Variants in ALK observed in about 807,000 individuals in gnomAD.
The protein encoded by ALK is ALK tyrosine kinase receptor.
In ALK, 74 loss-of-function variants were observed where a neutral mutation model predicts 163.1. The observed-to-expected ratio is 0.45, with a 90% CI of 0.38 to 0.55. The LOEUF is 0.55. Ranked by LOEUF, ALK falls within the 20% of genes least tolerant of loss-of-function variation. The pLI, the probability that ALK is intolerant of heterozygous loss-of-function variation, is 0.00. For synonymous variants in ALK, 960 were observed against 843.2 expected (o/e 1.14, Z -2.40); for missense variants, 2,063 against 2,105.3 (o/e 0.98, Z 0.39).
At chr2:29,912,722 C>G (rs893193564) in intron 1 of ALK, among the ~76,000 whole-genome samples, 19 of 151,962 alleles carry the variant, frequency 1.3e-4, no homozygotes, top group African/African-American at 4.6e-4. Flanking sequence ...TATAAATATA[C>G]AGGCTTAGCA....
intron 5 of ALK, among the ~76,000 whole-genome samples, chr2:29,359,274 T>A (rs1668332771): frequency 6.6e-6 from 1 of 152,228 alleles, no homozygotes; most frequent in Admixed American, 6.5e-5. Flanking sequence ...CCAATGCCCC[T>A]CCCTTGAAGA....
chr2:29,628,891 C>T lies in ALK; in HGVS notation c.952+65959G>A, dbSNP rs539886360. Among the ~76,000 whole-genome samples, 10 of 152,298 alleles carry T rather than the reference C, an allele frequency of 6.6e-5. No individual in the cohort carries two copies. In the South Asian group the frequency reaches 1.7e-3, roughly 25 times the overall value. ...TAGCATGTTCAAGACTCAGTGCTCT[C>T]GCCACAGAAAATGGAGCACACTCAA... is the stretch of plus-strand genomic sequence containing the variant. On this transcript the variant is annotated intron_variant, in intron 3 of 28. Coordinates refer to ENST00000389048, the MANE Select transcript of ALK (RefSeq NM_004304.5).
intron 5 of ALK, among the ~76,000 whole-genome samples, chr2:29,350,034 T>G (rs1404286413): frequency 6.6e-6 from 1 of 152,204 alleles, no homozygotes; most frequent in African/African-American, 2.4e-5. Flanking sequence ...AAGAACCATC[T>G]CTAGCAAGCA....
At chr2:29,360,880 G>A (rs1668370205) in intron 5 of ALK, among the ~76,000 whole-genome samples, 1 of 152,212 alleles carries the variant, frequency 6.6e-6, no homozygotes, top group Admixed American at 6.5e-5. Flanking sequence ...GTTCTCCTAA[G>A]AATGGGGTAT....
rs200832204 is a variant in ALK, at chr2:29,223,325, G to T, written c.3359+17C>A. The T allele has an allele frequency of 1.2e-6, 2 of 1,613,830 alleles. No individual in the cohort carries two copies. The highest frequency in any genetic ancestry group is 1.1e-5 in the South Asian group (1 of 91,048). On this transcript the variant is annotated intron_variant, in intron 20 of 28. Coordinates refer to ENST00000389048, the MANE Select transcript of ALK (RefSeq NM_004304.5). ...CACTGCACCCCTCTCCTCCCAGGACGGCAGCAGGGCGCTCACCGAATGAGG... is the reference window on the plus strand; with the variant it reads ...CACTGCACCCCTCTCCTCCCAGGACTGCAGCAGGGCGCTCACCGAATGAGG...
intron 8 of ALK, among the ~76,000 whole-genome samples, chr2:29,298,923 G>C (rs577351173): frequency 1.3e-3 from 191 of 151,944 alleles, no homozygotes; most frequent in African/African-American, 4.4e-3. Context: ...CAATCTTTTG[G>C]CTCCTTTGTC....
At chr2:29,761,771 C>T (rs1312215821) in intron 1 of ALK, among the ~76,000 whole-genome samples, 1 of 152,184 alleles carries the variant, frequency 6.6e-6, no homozygotes, top group Non-Finnish European at 1.5e-5. Context: ...AGAGTCACCT[C>T]CTAGACAAAA....
intron 4 of ALK, among the ~76,000 whole-genome samples, chr2:29,523,134 G>A (rs1672858906): frequency 6.6e-6 from 1 of 152,120 alleles, no homozygotes; most frequent in South Asian, 2.1e-4. Context: ...GGAGGGGGAG[G>A]AAGAAACCAA....
At chr2:29,465,947 G>T (rs920031353) in intron 4 of ALK, among the ~76,000 whole-genome samples, 2 of 152,074 alleles carry the variant, frequency 1.3e-5, no homozygotes. Context: ...TAGCACAAAG[G>T]CTGGGGGTAG....
intron 3 of ALK, among the ~76,000 whole-genome samples, chr2:29,673,221 C>T (rs1183517290): frequency 1.1e-4 from 15 of 135,922 alleles, no homozygotes; most frequent in African/African-American, 4.6e-4. Flanking sequence ...GTTGCCATTG[C>T]TTTTGGTGTT....
chr2:29,620,421 C>G (rs562269067), intron 3 of ALK, among the ~76,000 whole-genome samples: 12 of 147,990 alleles, frequency 8.1e-5, no homozygotes, highest in African/African-American at 2.2e-4. Context: ...TGGCAACAAC[C>G]CTATTTTCAA....
chr2:29,636,589 T>C (rs1676538988), intron 3 of ALK, among the ~76,000 whole-genome samples: 1 of 152,106 alleles, frequency 6.6e-6, no homozygotes. Context: ...AAGAAAAATT[T>C]GGTAAATTAG....
rs575329639 is a variant in ALK at position 29,320,686 on chromosome 2, G to A, written c.1546+65C>T. The A allele has an allele frequency of 5.3e-4, 846 of 1,608,232 alleles. 1 individual carries two copies. The highest frequency in any genetic ancestry group is 6.9e-4 in the Non-Finnish European group (808 of 1,176,640). On this transcript the variant is annotated intron_variant, in intron 7 of 28. Transcript: ENST00000389048. ...CAGGTGGGGTGAAGTCCAGCCCTGAGTCTCCCATCTGTCTATGTGGGCATG... is the reference window on the plus strand; with the variant it reads ...CAGGTGGGGTGAAGTCCAGCCCTGAATCTCCCATCTGTCTATGTGGGCATG...
At position 29,222,569 on chromosome 2, in the gene ALK, C is replaced by A. The variant is rs773881309; in HGVS notation, c.3398G>T (p.Gly1133Val). 1.9e-6 allele frequency: 3 copies of A among 1,614,068 alleles called. No individual in the cohort carries two copies. Among genetic ancestry groups the A allele is most frequent in the Non-Finnish European group, 2.5e-6 (3 of 1,180,024 alleles). ...GHGAFGEVYE[G>V]QVSGMPNDPS... ...GTCGTTGGGCATTCCGGACACCTGG[C>A]CTTCATACACCTCCCCAAAGGCGCC... Residue 1133 changes from glycine to valine, a missense_variant, in exon 21 of 29, where the codon GGC becomes GTC. This residue lies in a region of ALK where 575 missense variants were observed against 626.6 expected (regional missense o/e 0.92). Coordinates refer to ENST00000389048, the MANE Select transcript of ALK (RefSeq NM_004304.5).
intron 3 of ALK, among the ~76,000 whole-genome samples, chr2:29,575,746 A>G (rs1674506756): frequency 6.6e-6 from 1 of 152,194 alleles, no homozygotes; most frequent in South Asian, 2.1e-4. Flanking sequence ...CAGATAAGTG[A>G]GTTCCCAGTC....
At chr2:29,812,837 G>C (rs182072263) in intron 1 of ALK, among the ~76,000 whole-genome samples, 12 of 152,324 alleles carry the variant, frequency 7.9e-5, no homozygotes, top group East Asian at 7.7e-4. Flanking sequence ...TGTTAGGACT[G>C]AGCTGGACAC....
chr2:29,880,659 T>A lies in ALK; in HGVS notation c.667+39334A>T, dbSNP rs193299674. Among the ~76,000 whole-genome samples the A allele has an allele frequency of 2.0e-4, 30 of 152,190 alleles. 1 individual carries two copies. In the East Asian group the frequency reaches 5.6e-3, roughly 28 times the overall value. On this transcript the variant is annotated intron_variant, in intron 1 of 28. Coordinates refer to ENST00000389048, the MANE Select transcript of ALK (RefSeq NM_004304.5). ...CACACGCCTCGGAGGAAAGGGGAGA[T>A]CTGGGTTTTAATTCTCACAATATCT...
At chr2:29,478,597 C>T (rs1328007001) in intron 4 of ALK, among the ~76,000 whole-genome samples, 2 of 152,256 alleles carry the variant, frequency 1.3e-5, no homozygotes, top group African/African-American at 4.8e-5. Context: ...AAGGCTCCTA[C>T]AGACTGACGA....
At chr2:29,346,175 A>G (rs1667943538) in intron 5 of ALK, among the ~76,000 whole-genome samples, 1 of 152,162 alleles carries the variant, frequency 6.6e-6, no homozygotes, top group Non-Finnish European at 1.5e-5. Flanking sequence ...CTATTCCAAT[A>G]CATGACCTGT....
Sources: gnomAD v4.1 joint callset for allele counts (sites outside exome capture counted in the v4.1 genomes callset) on GRCh38, gnomAD v4.1.1 for gene constraint, gnomAD v4.1.1 regional missense constraint, MANE v1.5 for transcripts, NCBI Gene and HGNC (gene_info 2026-07-23, HGNC 2026-07-21) for gene names.